The following ERC1 variants were observed in gnomAD, a reference collection of about 807,000 sequenced individuals.
The protein encoded by ERC1 is RAB6 interacting protein 2.
ERC1 carries 56 observed loss-of-function variants against 132.0 expected under a neutral mutation model. The ratio of observed to expected loss-of-function variants is 0.42; its 90% CI spans 0.34 to 0.53. The LOEUF (loss-of-function observed/expected upper bound fraction) is 0.53, where lower values mean the gene tolerates loss of function less well. Among genes scored for constraint, ERC1 ranks in the 20% least tolerant of loss-of-function variants. The pLI, the probability that ERC1 is intolerant of heterozygous loss-of-function variation, is 0.03. For missense variants in ERC1, 1,202 were observed against 1,349.9 expected (o/e 0.89, Z 1.72); for synonymous variants, 478 against 476.1 (o/e 1.00, Z -0.05).
In ERC1 at chr12:1,130,385, A is replaced by G. The variant is rs149958112; in HGVS notation, c.1570-11235A>G. ...AGGCTTTGTTGATCTTAGTTCTGAT[A>G]CCAGAACGAGGAAGTGTTATGTTAT... On this transcript the variant is annotated intron_variant, in intron 7 of 18. Coordinates refer to ENST00000360905, the MANE Select transcript of ERC1 (RefSeq NM_178040.4). Among the ~76,000 whole-genome samples the G allele has an allele frequency of 3.3e-5, 5 of 152,236 alleles. No individual in the cohort carries two copies. In the East Asian group the frequency reaches 9.6e-4, roughly 29 times the overall value.
chr12:1,374,499 G>A (rs937866468), intron 16 of ERC1, among the ~76,000 whole-genome samples: 35 of 152,156 alleles, frequency 2.3e-4, no homozygotes, highest in African/African-American at 8.0e-4. Context: ...AACTAAGGCT[G>A]TCTAACAAAC....
At chr12:1,136,043 ATT>A (rs1457979425) in intron 7 of ERC1, among the ~76,000 whole-genome samples, 16 of 152,348 alleles carry the variant, frequency 1.1e-4, no homozygotes, top group African/African-American at 3.8e-4. Flanking sequence ...TAAGGTTCTT[ATT>A]CTCTCTCGAA....
At chr12:1,392,895 A>G (rs1206094484) in intron 16 of ERC1, among the ~76,000 whole-genome samples, 1 of 152,234 alleles carries the variant, frequency 6.6e-6, no homozygotes, top group East Asian at 1.9e-4. Context: ...GAAAATCAAG[A>G]GTGCAATAGT....
chr12:1,192,719 A>C (rs1210742742), intron 12 of ERC1, among the ~76,000 whole-genome samples: 1 of 152,194 alleles, frequency 6.6e-6, no homozygotes, highest in Non-Finnish European at 1.5e-5. Flanking sequence ...GTAAGGTTAC[A>C]GTCTTATACT....
At chr12:1,362,545 A>G (rs945238024) in intron 15 of ERC1, among the ~76,000 whole-genome samples, 3 of 152,184 alleles carry the variant, frequency 2.0e-5, no homozygotes, top group Admixed American at 6.5e-5. Flanking sequence ...TATCTTCCAC[A>G]TTATTTAAAT....
chr12:1,255,453 T>C (rs77024776), intron 13 of ERC1, among the ~76,000 whole-genome samples: 1 of 152,050 alleles, frequency 6.6e-6, no homozygotes, highest in Non-Finnish European at 1.5e-5. Flanking sequence ...TCCTTTGGGG[T>C]ATATACCCAG....
At chr12:1,374,581 G>A (rs1439619516) in intron 16 of ERC1, among the ~76,000 whole-genome samples, 2 of 152,224 alleles carry the variant, frequency 1.3e-5, no homozygotes, top group East Asian at 1.9e-4. Flanking sequence ...CACTGTGATT[G>A]TCAGGCCCCC....
intron 15 of ERC1, among the ~76,000 whole-genome samples, chr12:1,368,737 AACCAAGAGAACAAT>A (rs140476921): frequency 1.6e-3 from 237 of 152,364 alleles, no homozygotes; most frequent in African/African-American, 5.4e-3. Context: ...CCAGAATTGT[AACCAAGAGAACAAT>A]ACTGTCTTTG....
intron 1 of ERC1, among the ~76,000 whole-genome samples, chr12:1,000,774 T>A (rs1962088536): frequency 6.6e-6 from 1 of 152,014 alleles, no homozygotes; most frequent in Admixed American, 6.6e-5. Context: ...ACAAAAAAAA[T>A]TAAGTGTCTG....
intron 16 of ERC1, among the ~76,000 whole-genome samples, chr12:1,373,866 TCA>T (rs1270503509): frequency 1.3e-5 from 2 of 152,224 alleles, no homozygotes; most frequent in Admixed American, 1.3e-4. Context: ...TAAACAATTC[TCA>T]GTGTCTTTAT....
At chr12:1,408,450 TA>T (rs2091647472) in intron 17 of ERC1, among the ~76,000 whole-genome samples, 2 of 150,730 alleles carry the variant, frequency 1.3e-5, no homozygotes, top group Non-Finnish European at 2.9e-5. Flanking sequence ...TAAGAGCAGA[TA>T]CTTGAAAGAT....
intron 7 of ERC1, among the ~76,000 whole-genome samples, chr12:1,130,285 G>A (rs2154238770): frequency 6.6e-6 from 1 of 152,258 alleles, no homozygotes; most frequent in East Asian, 1.9e-4. Flanking sequence ...GATCACTTGA[G>A]CCCAGGAGGG....
chr12:1,357,184 C>T (rs9669370), intron 15 of ERC1, among the ~76,000 whole-genome samples: 10,134 of 152,198 alleles, frequency 0.067, 620 homozygotes, highest in African/African-American at 0.15. Context: ...CTATGTAACG[C>T]TGGCTATTTT....
intron 18 of ERC1, among the ~76,000 whole-genome samples, chr12:1,475,343 G>T (rs538542917): frequency 2.0e-4 from 30 of 152,186 alleles, no homozygotes; most frequent in Admixed American, 3.3e-4. Context: ...GCTACGTGCA[G>T]GCCTTTTGTT....
intron 16 of ERC1, among the ~76,000 whole-genome samples, chr12:1,378,096 A>T (rs1453734837): frequency 1.3e-5 from 2 of 152,190 alleles, no homozygotes; most frequent in Non-Finnish European, 2.9e-5. Context: ...AAAGAATATA[A>T]ATATATTGTT....
At chr12:1,463,966 G>A (rs1310906029) in intron 18 of ERC1, among the ~76,000 whole-genome samples, 2 of 152,140 alleles carry the variant, frequency 1.3e-5, no homozygotes, top group Non-Finnish European at 2.9e-5. Flanking sequence ...GGGGAAGACA[G>A]GGTACTAAGT....
intron 8 of ERC1, among the ~76,000 whole-genome samples, chr12:1,176,666 T>G (rs1953763756): frequency 1.3e-5 from 2 of 152,010 alleles, no homozygotes; most frequent in Admixed American, 1.3e-4. Context: ...CTGCAACCTC[T>G]GCCTTTTGGG....
chr12:1,487,515 G>A (rs140584167), intron 18 of ERC1, among the ~76,000 whole-genome samples: 49 of 133,902 alleles, frequency 3.7e-4, no homozygotes, highest in African/African-American at 1.2e-3. Flanking sequence ...GACCAGCCTG[G>A]GCAACATAGT....
chr12:1,373,460 A>G (rs2052184), intron 16 of ERC1, among the ~76,000 whole-genome samples: 63,875 of 152,104 alleles, frequency 0.42, 14,977 homozygotes, highest in African/African-American at 0.63. Context: ...AGTGGCCTCC[A>G]AAGAACATAT....
Sources: gnomAD v4.1 joint callset for allele counts (sites outside exome capture counted in the v4.1 genomes callset) on GRCh38, gnomAD v4.1.1 for gene constraint, MANE v1.5 for transcripts, NCBI Gene and HGNC (gene_info 2026-07-23, HGNC 2026-07-21) for gene names.